Variants in EIF4G3 observed in about 807,000 individuals in gnomAD.
EIF4G3 encodes eukaryotic translation initiation factor 4 gamma 3, also known as eIF-4-gamma 3.
In EIF4G3, 34 loss-of-function variants were observed where a neutral mutation model predicts 186.4. The ratio of observed to expected loss-of-function variants is 0.18; its 90% confidence interval spans 0.14 to 0.24. The LOEUF (loss-of-function observed/expected upper bound fraction) is 0.24, where lower values mean the gene tolerates loss of function less well. Ranked by LOEUF, EIF4G3 falls within the 10% of genes least tolerant of loss-of-function variation. The pLI, the probability that EIF4G3 is intolerant of heterozygous loss-of-function variation, is 1.00. For missense variants in EIF4G3, 1,536 were observed against 1,948.5 expected (o/e 0.79, Z 3.99); for synonymous variants, 673 against 679.5 (o/e 0.99, Z 0.15).
chr1:20,828,482 TAAAC>T (rs1317423562), intron 31 of EIF4G3, among the ~76,000 whole-genome samples: 9 of 152,328 alleles, frequency 5.9e-5, no homozygotes, highest in Admixed American at 1.3e-4. Flanking sequence ...AATGCTGAAT[TAAAC>T]AAAGCTAACT....
chr1:21,172,218 G>C (rs546936103), intron 2 of EIF4G3, among the ~76,000 whole-genome samples: 194 of 151,092 alleles, frequency 1.3e-3, no homozygotes, highest in Non-Finnish European at 2.2e-3. Flanking sequence ...CGGCAGAAGA[G>C]AAAGCTATGT....
At chr1:20,959,611 A>G (rs1050542317) in intron 12 of EIF4G3, among the ~76,000 whole-genome samples, 3 of 150,934 alleles carry the variant, frequency 2.0e-5, no homozygotes. Context: ...GATGCAAACT[A>G]CACATCTGAT....
chr1:20,809,976 ATT>A (rs35971778), intron 36 of EIF4G3, among the ~76,000 whole-genome samples: 2 of 144,900 alleles, frequency 1.4e-5, no homozygotes, highest in Non-Finnish European at 1.5e-5. Context: ...TAACAAATTC[ATT>A]TTTTTTTTTT....
At chr1:21,035,861 T>C (rs540603559) in intron 4 of EIF4G3, among the ~76,000 whole-genome samples, 1 of 152,162 alleles carries the variant, frequency 6.6e-6, no homozygotes, top group Non-Finnish European at 1.5e-5. Context: ...TGGGGACTTG[T>C]GGTGCCTTTT....
intron 20 of EIF4G3, among the ~76,000 whole-genome samples, chr1:20,875,748 T>C (rs1357923201): frequency 2.0e-5 from 3 of 152,064 alleles, no homozygotes; most frequent in African/African-American, 7.2e-5. Context: ...TCTGTCTCTA[T>C]AAAAAATTTA....
At chr1:20,975,145 G>T (rs745934267) in intron 10 of EIF4G3, among the ~76,000 whole-genome samples, 35 of 151,062 alleles carry the variant, frequency 2.3e-4, no homozygotes, top group African/African-American at 8.5e-4. Context: ...AATGTAAAAA[G>T]ACCAAAAAAA....
chr1:20,884,942 G>A (rs543506211), intron 19 of EIF4G3, among the ~76,000 whole-genome samples: 1 of 152,258 alleles, frequency 6.6e-6, no homozygotes, highest in South Asian at 2.1e-4. Context: ...GCGGGGAAGA[G>A]GAAAGTGGTT....
At chr1:21,095,466 C>T (rs770573610) in intron 2 of EIF4G3, among the ~76,000 whole-genome samples, 17 of 152,098 alleles carry the variant, frequency 1.1e-4, no homozygotes, top group African/African-American at 2.2e-4. Context: ...TGTGTACCAT[C>T]GTGCCCAGCT....
chr1:20,910,881 CAA>C (rs1301389032), intron 14 of EIF4G3, among the ~76,000 whole-genome samples: 2 of 152,134 alleles, frequency 1.3e-5, no homozygotes, highest in African/African-American at 4.8e-5. Context: ...TGGAAGGAAA[CAA>C]AGAAAAGTTT....
chr1:21,093,052 C>T (rs1180123511), intron 2 of EIF4G3, among the ~76,000 whole-genome samples: 1 of 152,010 alleles, frequency 6.6e-6, no homozygotes, highest in African/African-American at 2.4e-5. Flanking sequence ...AAGGACTTCA[C>T]GTCTAAAACA....
rs779547080 is a variant in EIF4G3 at position 20,893,641 on chromosome 1, A to G, written c.2134-5T>C. ...TGGCAATTTGGGTTGGTTGATCTGC[A>G]TGAAAAAGCAAAAGAAAGCTTAATA... On this transcript the variant is annotated splice_polypyrimidine_tract_variant and splice_region_variant and intron_variant, in intron 17 of 36. Coordinates refer to ENST00000602326, the MANE Select transcript of EIF4G3 (RefSeq NM_001391906.1). The G allele has an allele frequency of 6.5e-7, 1 of 1,546,642 alleles. No individual in the cohort carries two copies. Among genetic ancestry groups the G allele is most frequent in the Non-Finnish European group, 8.8e-7 (1 of 1,134,150 alleles).
At chr1:21,110,160 A>AT (rs1354098918) in intron 2 of EIF4G3, among the ~76,000 whole-genome samples, 4 of 152,172 alleles carry the variant, frequency 2.6e-5, no homozygotes, top group Non-Finnish European at 5.9e-5. Flanking sequence ...TAACTTCTAT[A>AT]TTTTTTTAAT....
At chr1:20,972,704 A>G (rs1207604302) in intron 11 of EIF4G3, among the ~76,000 whole-genome samples, 2 of 152,172 alleles carry the variant, frequency 1.3e-5, no homozygotes, top group African/African-American at 4.8e-5. Context: ...AATTCCTCAC[A>G]CTGAGTAAAA....
intron 3 of EIF4G3, among the ~76,000 whole-genome samples, chr1:21,077,011 G>C (rs1157251223): frequency 6.6e-6 from 1 of 152,158 alleles, no homozygotes; most frequent in Non-Finnish European, 1.5e-5. Context: ...ACAACTTACA[G>C]AACGGGAGAA....
intron 2 of EIF4G3, among the ~76,000 whole-genome samples, chr1:21,108,383 T>A (rs1431117997): frequency 6.6e-6 from 1 of 152,158 alleles, no homozygotes; most frequent in Admixed American, 6.5e-5. Flanking sequence ...GTATAACTAC[T>A]TCTATTGTCT....
rs72652972 is a variant in EIF4G3 at position 20,934,457 on chromosome 1, G to A, written c.1663+7034C>T. On this transcript the variant is annotated intron_variant, in intron 14 of 36. Transcript: ENST00000602326. ...GAGACTGTAAGAGACAACTAAGAGAGTCTGATGAAGGTTTCAATATAGCCA... is the reference window on the plus strand; with the variant it reads ...GAGACTGTAAGAGACAACTAAGAGAATCTGATGAAGGTTTCAATATAGCCA... Among the ~76,000 whole-genome samples, 20 of 152,144 alleles carry A rather than the reference G, an allele frequency of 1.3e-4. No homozygotes were observed. In the South Asian group the frequency reaches 4.1e-3, roughly 32 times the overall value.
chr1:21,049,788 A>T (rs963124014), intron 4 of EIF4G3, among the ~76,000 whole-genome samples: 1 of 152,096 alleles, frequency 6.6e-6, no homozygotes, highest in Non-Finnish European at 1.5e-5. Flanking sequence ...CTAACTGGGA[A>T]GCTGAGGCAA....
intron 14 of EIF4G3, among the ~76,000 whole-genome samples, chr1:20,905,809 G>A (rs2091905254): frequency 6.6e-6 from 1 of 152,128 alleles, no homozygotes; most frequent in Admixed American, 6.6e-5. Context: ...GATGAACAAG[G>A]AGAAGAGTTA....
At chr1:21,035,519 T>C (rs751301175) in intron 4 of EIF4G3, among the ~76,000 whole-genome samples, 4 of 152,182 alleles carry the variant, frequency 2.6e-5, no homozygotes, top group Non-Finnish European at 5.9e-5. Context: ...TGCTCTGGTC[T>C]CCAATTGGGG....
Sources: gnomAD v4.1 joint callset for allele counts (sites outside exome capture counted in the v4.1 genomes callset) on GRCh38, gnomAD v4.1.1 for gene constraint, MANE v1.5 for transcripts, NCBI Gene and HGNC (gene_info 2026-07-23, HGNC 2026-07-21) for gene names.